DPYD: variants seen among roughly 807,000 people sequenced by gnomAD.
The protein encoded by DPYD is dihydropyrimidine dehydrogenase [NADP(+)].
Under a neutral mutation model 116.2 loss-of-function variants are expected in DPYD, and 109 were observed. That is an observed-to-expected ratio of 0.94 (90% CI 0.80 to 1.10). The LOEUF is 1.10. Ranked by LOEUF, DPYD falls within the 50% of genes least tolerant of loss-of-function variation. The probability of loss-of-function intolerance (pLI) is 0.00; values close to 1 mark genes in which losing one functional copy is unlikely to be tolerated. For missense variants in DPYD, 1,302 were observed against 1,254.5 expected (o/e 1.04, Z -0.57); for synonymous variants, 440 against 432.0 (o/e 1.02, Z -0.23).
chr1:97,347,315 TG>T (rs753385044), intron 16 of DPYD, among the ~76,000 whole-genome samples: 1 of 152,000 alleles, frequency 6.6e-6, no homozygotes, highest in Non-Finnish European at 1.5e-5. Flanking sequence ...TTTTCTAAGA[TG>T]TTTTTAAAAT....
chr1:97,883,211 A>T, intron 2 of DPYD, 53 bp downstream of exon 2: 1 of 1,210,392 alleles, frequency 8.3e-7, no homozygotes, highest in Admixed American at 1.7e-5. Context: ...TTGCCTTACA[A>T]TGTGTGGAGT....
intron 16 of DPYD, among the ~76,000 whole-genome samples, chr1:97,318,042 T>C (rs1570503159): frequency 1.3e-5 from 2 of 148,734 alleles, no homozygotes; most frequent in African/African-American, 4.9e-5. Context: ...AGAGATTTTG[T>C]CACCACCAGG....
intron 19 of DPYD, among the ~76,000 whole-genome samples, chr1:97,195,413 G>T (rs576602169): frequency 6.6e-6 from 1 of 150,420 alleles, no homozygotes; most frequent in South Asian, 2.1e-4. Flanking sequence ...ACATTTTATT[G>T]TAAGCCTCGT....
intron 16 of DPYD, among the ~76,000 whole-genome samples, chr1:97,325,833 A>G (rs955982065): frequency 6.6e-6 from 1 of 151,958 alleles, no homozygotes; most frequent in Non-Finnish European, 1.5e-5. Context: ...GCATGGTATC[A>G]TATGAAATGG....
At chr1:97,187,908 T>C (rs1658106647) in intron 20 of DPYD, among the ~76,000 whole-genome samples, 1 of 152,190 alleles carries the variant, frequency 6.6e-6, no homozygotes, top group African/African-American at 2.4e-5. Flanking sequence ...TTCTGGGTTC[T>C]TTATTCTGTT....
intron 2 of DPYD, among the ~76,000 whole-genome samples, chr1:97,846,534 G>A (rs1670312251): frequency 6.6e-6 from 1 of 152,236 alleles, no homozygotes; most frequent in African/African-American, 2.4e-5. Context: ...GCTACATCCA[G>A]GTAGATCGTG....
intron 13 of DPYD, among the ~76,000 whole-genome samples, chr1:97,466,480 A>G (rs2101838047): frequency 6.6e-6 from 1 of 152,018 alleles, no homozygotes; most frequent in South Asian, 2.1e-4. Context: ...TTAAGTAACA[A>G]TCGAGTCAGT....
rs547796067 is a variant in DPYD at position 97,792,130 on chromosome 1, C to T, written c.233+35984G>A. On this transcript the variant is annotated intron_variant, in intron 3 of 22. Transcript: ENST00000370192. ...CGAGTGAAGATATTTCCATTAACAA[C>T]TATTTTTGGTATGCCCATTAGACAC... 1.2e-3 allele frequency among the ~76,000 whole-genome samples: 187 copies of T among 152,252 alleles called. No individual in the cohort carries two copies. The Middle Eastern group carries it at 0.024, about 19-fold the overall frequency.
intron 19 of DPYD, among the ~76,000 whole-genome samples, chr1:97,200,280 T>G (rs1167095141): frequency 6.6e-6 from 1 of 152,276 alleles, no homozygotes; most frequent in East Asian, 1.9e-4. Context: ...TGCCTCCAGG[T>G]TATATGCAAG....
chr1:97,680,294 G>A (rs1571179114), intron 7 of DPYD, among the ~76,000 whole-genome samples: 1 of 152,104 alleles, frequency 6.6e-6, no homozygotes, highest in South Asian at 2.1e-4. Flanking sequence ...CCTATCCTGG[G>A]TGCAATGGGA....
intron 19 of DPYD, among the ~76,000 whole-genome samples, chr1:97,200,634 T>C (rs545824507): frequency 6.6e-6 from 1 of 152,346 alleles, no homozygotes; most frequent in South Asian, 2.1e-4. Flanking sequence ...CAATATTTTA[T>C]ATAGCACTTT....
chr1:97,175,290 A>G (rs1321466768), intron 20 of DPYD, among the ~76,000 whole-genome samples: 1 of 152,086 alleles, frequency 6.6e-6, no homozygotes, highest in Non-Finnish European at 1.5e-5. Context: ...ATCTCACCTA[A>G]GCATTTTTCT....
At chr1:97,153,447 T>C (rs1655182249) in intron 20 of DPYD, among the ~76,000 whole-genome samples, 1 of 152,096 alleles carries the variant, frequency 6.6e-6, no homozygotes, top group African/African-American at 2.4e-5. Flanking sequence ...GCAAGCCACA[T>C]GTAGAAGAAG....
chr1:97,727,992 A>G (rs996690038), intron 4 of DPYD, among the ~76,000 whole-genome samples: 1 of 151,866 alleles, frequency 6.6e-6, no homozygotes, highest in Admixed American at 6.6e-5. Flanking sequence ...AATACACACT[A>G]CTTCAACTGG....
chr1:97,204,114 A>G (rs536485088), intron 19 of DPYD, among the ~76,000 whole-genome samples: 24 of 152,258 alleles, frequency 1.6e-4, no homozygotes, highest in African/African-American at 5.8e-4. Flanking sequence ...ACCAATGTTG[A>G]AGTTAATATA....
intron 13 of DPYD, among the ~76,000 whole-genome samples, chr1:97,498,514 G>GTA (rs1192095023): frequency 3.3e-4 from 49 of 147,402 alleles, no homozygotes; most frequent in African/African-American, 1.2e-3. Context: ...GTGTGTGTGT[G>GTA]TGTACTTATT....
At chr1:97,240,186 A>C (rs1662235595) in intron 18 of DPYD, among the ~76,000 whole-genome samples, 2 of 151,934 alleles carry the variant, frequency 1.3e-5, no homozygotes, top group Non-Finnish European at 2.9e-5. Context: ...GATGAAGATT[A>C]CTTTGACCCC....
At chr1:97,493,829 A>T (rs935430530) in intron 13 of DPYD, among the ~76,000 whole-genome samples, 2 of 152,294 alleles carry the variant, frequency 1.3e-5, no homozygotes, top group Admixed American at 1.3e-4. Flanking sequence ...ATAGCACACA[A>T]ATATTATTGA....
chr1:97,366,901 A>C (rs1301301423), intron 16 of DPYD, among the ~76,000 whole-genome samples: 3 of 152,134 alleles, frequency 2.0e-5, no homozygotes, highest in Admixed American at 6.6e-5. Context: ...TTATATTCCC[A>C]AACTCCTGAG....
Sources: gnomAD v4.1 joint callset for allele counts (sites outside exome capture counted in the v4.1 genomes callset) on GRCh38, gnomAD v4.1.1 for gene constraint, MANE v1.5 for transcripts, NCBI Gene and HGNC (gene_info 2026-07-23, HGNC 2026-07-21) for gene names.